IFTAP: variants seen among roughly 807,000 people sequenced by gnomAD.
IFTAP encodes the protein intraflagellar transport-associated protein.
IFTAP carries 19 observed loss-of-function variants against 19.4 expected under a neutral mutation model. That is an observed-to-expected ratio of 0.98 (90% CI 0.68 to 1.44). IFTAP has a LOEUF of 1.44. Among genes scored for constraint, IFTAP ranks in the 40% most tolerant of loss-of-function variants. The pLI, the probability that IFTAP is intolerant of heterozygous loss-of-function variation, is 0.00. For synonymous variants in IFTAP, 85 were observed against 83.5 expected, an observed-to-expected ratio of 1.02 and a Z score of -0.10; for missense variants, 240 against 253.6, an observed-to-expected ratio of 0.95 and a Z score of 0.36.
chr11:36,604,110 G>A (rs1851605565), intron 1 of IFTAP, among the ~76,000 whole-genome samples: 1 of 152,124 alleles, frequency 6.6e-6, no homozygotes. Context: ...AAGGGGAAAT[G>A]TATAGCTATT....
intron 4 of IFTAP, among the ~76,000 whole-genome samples, chr11:36,644,785 G>T (rs1348342245): frequency 6.8e-6 from 1 of 148,104 alleles, no homozygotes; most frequent in African/African-American, 2.5e-5. Flanking sequence ...TCACTCATAG[G>T]TGGGAATTGA....
intron 5 of IFTAP, among the ~76,000 whole-genome samples, chr11:36,653,920 C>T (rs149250338): frequency 1.3e-5 from 2 of 152,256 alleles, no homozygotes; most frequent in East Asian, 1.9e-4. Context: ...TATACAGTAA[C>T]AACGTGGTTG....
At chr11:36,650,567 A>AT (rs1474530193) in intron 5 of IFTAP, among the ~76,000 whole-genome samples, 3 of 151,088 alleles carry the variant, frequency 2.0e-5, no homozygotes, top group African/African-American at 4.9e-5. Flanking sequence ...CCAAAAAAAA[A>AT]ATATATTTTT....
intron 3 of IFTAP, among the ~76,000 whole-genome samples, chr11:36,634,350 A>G (rs763100972): frequency 3.9e-5 from 6 of 152,044 alleles, no homozygotes; most frequent in Non-Finnish European, 7.4e-5. Context: ...GAGTATTCCT[A>G]TTTTACTCAT....
chr11:36,621,570 T>C (rs1262836243), intron 2 of IFTAP, among the ~76,000 whole-genome samples: 1 of 152,058 alleles, frequency 6.6e-6, no homozygotes, highest in Non-Finnish European at 1.5e-5. Context: ...TTGTTGTATA[T>C]GAACTACTGT....
chr11:36,609,959 T>C (rs1851816317), intron 1 of IFTAP, 122 bp from the exon 2 acceptor site: 9 of 808,304 alleles, frequency 1.1e-5, no homozygotes, highest in African/African-American at 1.8e-5. Context: ...AGGTCACTGC[T>C]CTAGTAACTA....
chr11:36,601,685 G>T (rs1851515146), intron 1 of IFTAP, among the ~76,000 whole-genome samples: 1 of 152,102 alleles, frequency 6.6e-6, no homozygotes, highest in African/African-American at 2.4e-5. Context: ...ACAGGGTCTT[G>T]CTCTGTTGCC....
intron 1 of IFTAP, among the ~76,000 whole-genome samples, chr11:36,603,893 G>A (rs1183960924): frequency 6.6e-6 from 1 of 150,928 alleles, no homozygotes; most frequent in Non-Finnish European, 1.5e-5. Flanking sequence ...CTGCACTCGA[G>A]CCTGGGTGAC....
chr11:36,606,336 G>A (rs572389966), intron 1 of IFTAP, among the ~76,000 whole-genome samples: 20 of 152,236 alleles, frequency 1.3e-4, no homozygotes, highest in South Asian at 1.0e-3. Context: ...AGTGGCAGGC[G>A]CCTGTAATCC....
chr11:36,604,739 A>G (rs2133361941), intron 1 of IFTAP, among the ~76,000 whole-genome samples: 1 of 152,208 alleles, frequency 6.6e-6, no homozygotes, highest in Middle Eastern at 3.4e-3. Flanking sequence ...TTATGATGAG[A>G]GAACCACCCA....
intron 2 of IFTAP, among the ~76,000 whole-genome samples, chr11:36,613,186 T>C (rs1851938044): frequency 6.6e-6 from 1 of 152,092 alleles, no homozygotes; most frequent in Non-Finnish European, 1.5e-5. Context: ...AAAGACATTG[T>C]TATGTTGTTG....
At chr11:36,613,984 G>C (rs7110520) in intron 2 of IFTAP, among the ~76,000 whole-genome samples, 1 of 150,654 alleles carries the variant, frequency 6.6e-6, no homozygotes, top group Admixed American at 6.6e-5. Context: ...TAGTTACATA[G>C]GTATACATGT....
chr11:36,644,652 T>C (rs1590230089), intron 4 of IFTAP, among the ~76,000 whole-genome samples: 1 of 152,164 alleles, frequency 6.6e-6, no homozygotes, highest in Non-Finnish European at 1.5e-5. Context: ...ATATACACCA[T>C]GGAATACTAT....
intron 1 of IFTAP, among the ~76,000 whole-genome samples, chr11:36,606,295 C>T (rs1250484243): frequency 6.6e-6 from 1 of 152,056 alleles, no homozygotes. Context: ...CCCATCTCTA[C>T]TAAAAATACA....
chr11:36,648,174 A>G lies in IFTAP; in HGVS notation c.498+19A>G, dbSNP rs1359217487. ...GGAAGAGGTACTCCACAGGGAATTC[A>G]GTCATTCTCCACACTGCCTTGATTT... On this transcript the variant is annotated intron_variant, in intron 5 of 5. Transcript: ENST00000334307. The G allele has an allele frequency of 1.2e-6, 2 of 1,610,238 alleles. No individual in the cohort carries two copies. Among genetic ancestry groups the G allele is most frequent in the South Asian group, 1.1e-5 (1 of 90,436 alleles).
At chr11:36,605,793 G>A (rs1010667645) in intron 1 of IFTAP, among the ~76,000 whole-genome samples, 1 of 152,136 alleles carries the variant, frequency 6.6e-6, no homozygotes, top group African/African-American at 2.4e-5. Context: ...ATCACAAGAC[G>A]TTTTGAGTCT....
At chr11:36,630,638 A>G (rs571418189) in intron 2 of IFTAP, among the ~76,000 whole-genome samples, 2 of 151,530 alleles carry the variant, frequency 1.3e-5, no homozygotes, top group African/African-American at 2.5e-5. Context: ...CTGAGTGATC[A>G]TGAGAACAAA....
intron 2 of IFTAP, among the ~76,000 whole-genome samples, chr11:36,611,933 T>C (rs1590204139): frequency 6.6e-6 from 1 of 152,018 alleles, no homozygotes. Flanking sequence ...GGTGGGGTGG[T>C]GGAAATAAGG....
At chr11:36,656,502 G>A (rs1853994142) in intron 5 of IFTAP, among the ~76,000 whole-genome samples, 1 of 151,998 alleles carries the variant, frequency 6.6e-6, no homozygotes, top group Non-Finnish European at 1.5e-5. Context: ...CCTGGGAGGC[G>A]GAGGTTGCAG....
Sources: gnomAD v4.1 joint callset for allele counts (sites outside exome capture counted in the v4.1 genomes callset) on GRCh38, gnomAD v4.1.1 for gene constraint, MANE v1.5 for transcripts, NCBI Gene and HGNC (gene_info 2026-07-23, HGNC 2026-07-21) for gene names.